Variants in CSMD2 observed in about 807,000 individuals in gnomAD.
The protein encoded by CSMD2 is CUB and Sushi multiple domains 2.
CSMD2 carries 130 observed loss-of-function variants against 398.5 expected under a neutral mutation model. That is an observed-to-expected ratio of 0.33 (90% CI 0.28 to 0.38). CSMD2 has a LOEUF of 0.38. CSMD2 is among the 10% of genes least tolerant of loss of function. The pLI, the probability that CSMD2 is intolerant of heterozygous loss-of-function variation, is 1.00. For synonymous variants in CSMD2, 1,828 were observed against 1,908.5 expected, an observed-to-expected ratio of 0.96 and a Z score of 1.10; for missense variants, 3,829 against 4,764.9, an observed-to-expected ratio of 0.80 and a Z score of 5.78.
intron 13 of CSMD2, among the ~76,000 whole-genome samples, chr1:33,762,000 A>C (rs1239298342): frequency 6.6e-6 from 1 of 152,186 alleles, no homozygotes; most frequent in Non-Finnish European, 1.5e-5. Context: ...GCTCTTGTAC[A>C]TAAGGCCTAG....
At chr1:33,660,834 G>C (rs1238651890) in intron 26 of CSMD2, among the ~76,000 whole-genome samples, 1 of 152,220 alleles carries the variant, frequency 6.6e-6, no homozygotes. Context: ...CATACACTAT[G>C]AGAGAGTCGG....
chr1:33,895,596 C>T (rs2125221143), intron 5 of CSMD2, among the ~76,000 whole-genome samples: 1 of 152,250 alleles, frequency 6.6e-6, no homozygotes, highest in East Asian at 1.9e-4. Context: ...CGGCTTGAGG[C>T]ATTCATGCAG....
At chr1:33,540,170 T>C (rs936662915) in intron 60 of CSMD2, among the ~76,000 whole-genome samples, 1 of 152,034 alleles carries the variant, frequency 6.6e-6, no homozygotes, top group Admixed American at 6.5e-5. Context: ...GTCTTTTCTG[T>C]GCAGGTCATT....
At chr1:33,664,654 T>G (rs1328614094) in intron 25 of CSMD2, among the ~76,000 whole-genome samples, 1 of 151,912 alleles carries the variant, frequency 6.6e-6, no homozygotes, top group African/African-American at 2.4e-5. Flanking sequence ...ATACAAAAAA[T>G]TAGCCGGGCG....
chr1:34,030,298 T>C (rs975344918), intron 3 of CSMD2, among the ~76,000 whole-genome samples: 2 of 152,196 alleles, frequency 1.3e-5, no homozygotes, highest in African/African-American at 4.8e-5. Flanking sequence ...ATTTTTTCTG[T>C]AAAGGGTCAA....
rs1653668220 is a variant in CSMD2 at position 33,515,328 on chromosome 1, A to G, written c.*1296T>C. 1 of 152,238 alleles carries G rather than the reference A, an allele frequency of 6.6e-6. No homozygotes were observed. The highest frequency in any genetic ancestry group is 2.4e-5 in the African/African-American group (1 of 41,452). The allele number at this position is 152,238 out of a possible 1,614,324, so 9.4% of individuals were successfully genotyped here. The stretch of plus-strand genomic sequence containing the variant: ...CCTGGGGAGTTGAATCCTTGCCCCG[A>G]AGCTGCCTACGCGGAGACAGCAGAA... On this transcript the variant is annotated 3_prime_UTR_variant, in exon 71 of 71. Transcript: ENST00000373381.
At chr1:33,521,014 C>T (rs927882876) in intron 68 of CSMD2, among the ~76,000 whole-genome samples, 1 of 152,198 alleles carries the variant, frequency 6.6e-6, no homozygotes, top group Non-Finnish European at 1.5e-5. Flanking sequence ...CCTTAATGCT[C>T]AGTTTTCTTA....
chr1:33,848,755 G>A (rs1250645825), intron 5 of CSMD2, among the ~76,000 whole-genome samples: 3 of 150,402 alleles, frequency 2.0e-5, no homozygotes, highest in Non-Finnish European at 2.9e-5. Context: ...ATTTAAAATA[G>A]TTTATTACAG....
intron 3 of CSMD2, among the ~76,000 whole-genome samples, chr1:33,937,443 G>A (rs1168918322): frequency 1.3e-5 from 2 of 152,182 alleles, no homozygotes; most frequent in Admixed American, 6.5e-5. Flanking sequence ...TAAAAGAGTG[G>A]GGTGGCAGTG....
At chr1:33,955,433 T>G (rs556397236) in intron 3 of CSMD2, among the ~76,000 whole-genome samples, 50 of 152,032 alleles carry the variant, frequency 3.3e-4, no homozygotes, top group Non-Finnish European at 5.7e-4. Context: ...GCCCAAAAAA[T>G]AGAACACTCA....
chr1:33,959,751 C>G (rs541625324), intron 3 of CSMD2, among the ~76,000 whole-genome samples: 1 of 152,154 alleles, frequency 6.6e-6, no homozygotes, highest in African/African-American at 2.4e-5. Context: ...GTCAGCTCCT[C>G]CAGGAAGCCC....
At chr1:33,893,775 C>A (rs2125215640) in intron 5 of CSMD2, among the ~76,000 whole-genome samples, 2 of 152,322 alleles carry the variant, frequency 1.3e-5, no homozygotes, top group Middle Eastern at 6.8e-3. Context: ...GTGTGTGTGA[C>A]CTAAATCCAC....
chr1:33,682,477 C>T (rs534133853), intron 25 of CSMD2, among the ~76,000 whole-genome samples: 1 of 152,282 alleles, frequency 6.6e-6, no homozygotes, highest in African/African-American at 2.4e-5. Context: ...TTGTGCATAT[C>T]TGAGGATAAT....
chr1:33,640,906 C>T (rs1643067974), intron 29 of CSMD2, among the ~76,000 whole-genome samples: 1 of 152,136 alleles, frequency 6.6e-6, no homozygotes, highest in African/African-American at 2.4e-5. Context: ...TCCAGGCCCA[C>T]AGTGTTACTT....
intron 19 of CSMD2, among the ~76,000 whole-genome samples, chr1:33,719,071 A>G (rs114322616): frequency 0.016 from 1,614 of 99,182 alleles, 33 homozygotes; most frequent in African/African-American, 0.058. Context: ...AGAGTGGGGC[A>G]TGGAGGAAGA....
intron 1 of CSMD2, among the ~76,000 whole-genome samples, chr1:34,157,619 C>T (rs77805294): frequency 0.027 from 3,997 of 150,656 alleles, 80 homozygotes; most frequent in African/African-American, 0.045. Context: ...ACCTCACCCC[C>T]CATCCCAGTC....
chr1:33,533,340 C>T lies in CSMD2; in HGVS notation c.9992-111G>A. The T allele has an allele frequency of 6.1e-6, 6 of 978,678 alleles. No individual in the cohort carries two copies. Among genetic ancestry groups the T allele is most frequent in the African/African-American group, 1.6e-5 (1 of 60,852 alleles). The allele number at this position is 978,678 out of a possible 1,614,324, so 60.6% of individuals were successfully genotyped here. A position where few individuals can be genotyped will look rare whatever the true frequency, so the allele number is the denominator to read the frequency against. On this transcript the variant is annotated intron_variant, in intron 63 of 70. Coordinates refer to ENST00000373381, the MANE Select transcript of CSMD2 (RefSeq NM_001281956.2). This position sits in a 1 kb window ranked among gnomAD's most constrained non-coding sequence, Gnocchi z 4.2. ...ATATCCTCTTCCTTTCCCTTCCAGT[C>T]CCTTTCATGCCAAGCATCCCCCTCC...
intron 6 of CSMD2, among the ~76,000 whole-genome samples, chr1:33,829,654 G>A (rs572152019): frequency 6.6e-6 from 1 of 152,316 alleles, no homozygotes; most frequent in Non-Finnish European, 1.5e-5. Flanking sequence ...TAGACAGTGG[G>A]CGCAGGACAG....
intron 64 of CSMD2, among the ~76,000 whole-genome samples, chr1:33,531,845 G>C (rs1655261742): frequency 6.6e-6 from 1 of 152,154 alleles, no homozygotes; most frequent in East Asian, 1.9e-4. Context: ...TGTTTAATGG[G>C]TATGGAGTTT....
Sources: gnomAD v4.1 joint callset for allele counts (sites outside exome capture counted in the v4.1 genomes callset) on GRCh38, gnomAD v4.1.1 for gene constraint, Gnocchi (gnomAD v3.1) non-coding constraint, MANE v1.5 for transcripts, NCBI Gene and HGNC (gene_info 2026-07-23, HGNC 2026-07-21) for gene names.